Variants in SOS2 observed in about 807,000 individuals in gnomAD.
The protein encoded by SOS2 is son of sevenless homolog 2.
In SOS2, 65 loss-of-function variants were observed where a neutral mutation model predicts 148.2. The ratio of observed to expected loss-of-function variants is 0.44; its 90% CI spans 0.36 to 0.54. The LOEUF is 0.54. Ranked by LOEUF, SOS2 falls within the 20% of genes least tolerant of loss-of-function variation. The pLI is 0.00. For synonymous variants in SOS2, 539 were observed against 537.1 expected (o/e 1.00, Z -0.05); for missense variants, 1,341 against 1,590.2 (o/e 0.84, Z 2.67).
intron 8 of SOS2, among the ~76,000 whole-genome samples, chr14:50,173,061 C>T (rs528198445): frequency 1.1e-4 from 16 of 152,044 alleles, no homozygotes; most frequent in Admixed American, 2.0e-4. Flanking sequence ...GCCTTGAACT[C>T]CTGACCTCAT....
Position 50,159,728 on chromosome 14 carries a change from C to T in SOS2, c.1555G>A (p.Glu519Lys). 1 of 1,613,996 alleles carries T rather than the reference C, an allele frequency of 6.2e-7. No individual in the cohort carries two copies. The highest frequency in any genetic ancestry group is 1.6e-4 in the Middle Eastern group (1 of 6,062). Residue 519 changes from glutamate to lysine, a missense_variant, in exon 10 of 23, where the codon GAG (glutamate) becomes AAG (lysine). Glu to Lys is a moderately conservative substitution (Grantham distance 56). This residue lies in a region of SOS2 where 574 missense variants were observed against 711.1 expected (regional missense o/e 0.81). Transcript: ENST00000216373. ...TTAGCAGCAAATATTATGCTGTTCT[C>T]ATCTTTGGATACTAATTCAAATGCA... The part of the protein sequence containing the change: ...KHAFELVSKD[E>K]NSIIFAAKSA...
intron 12 of SOS2, 24 bp downstream of exon 12, chr14:50,156,963 GTATATATATATA>G: frequency 3.9e-6 from 4 of 1,022,898 alleles, no homozygotes; most frequent in Non-Finnish European, 5.8e-6. Flanking sequence ...ATATATATGT[GTATATATATATA>G]TATAAAAAAT....
At chr14:50,170,227 C>T (rs1212412654) in intron 8 of SOS2, among the ~76,000 whole-genome samples, 2 of 151,924 alleles carry the variant, frequency 1.3e-5, no homozygotes, top group Non-Finnish European at 2.9e-5. Flanking sequence ...GGCACCTTAC[C>T]CCACTTTCTA....
At chr14:50,182,405 G>A in intron 6 of SOS2, 58 bp downstream of exon 6, 1 of 1,503,132 alleles carries the variant, frequency 6.7e-7, no homozygotes, top group Non-Finnish European at 9.2e-7. Context: ...TCATCTCTAA[G>A]TTTCTTACTA....
intron 18 of SOS2, among the ~76,000 whole-genome samples, chr14:50,138,174 G>C (rs1884147085): frequency 6.9e-6 from 1 of 144,006 alleles, no homozygotes; most frequent in Non-Finnish European, 1.5e-5. Context: ...TTATTATTTT[G>C]AGACAGAAGT....
At chr14:50,187,153 G>GCA (rs1485302708) in intron 5 of SOS2, among the ~76,000 whole-genome samples, 2 of 151,730 alleles carry the variant, frequency 1.3e-5, no homozygotes, top group Non-Finnish European at 2.9e-5. Context: ...TGGGATTACA[G>GCA]GCATGTGCCA....
At chr14:50,207,628 C>T in intron 1 of SOS2, among the ~76,000 whole-genome samples, 1 of 150,268 alleles carries the variant, frequency 6.7e-6, no homozygotes, top group East Asian at 2.0e-4. Context: ...TATACAATCA[C>T]AGCCAGGCAT....
chr14:50,148,640 T>C (rs2036783522), intron 14 of SOS2, among the ~76,000 whole-genome samples: 1 of 152,168 alleles, frequency 6.6e-6, no homozygotes, highest in Non-Finnish European at 1.5e-5. Context: ...TAAACAAAGC[T>C]ACCTGGATTC....
At chr14:50,128,862 C>T (rs1883771910) in intron 21 of SOS2, among the ~76,000 whole-genome samples, 1 of 152,136 alleles carries the variant, frequency 6.6e-6, no homozygotes, top group Non-Finnish European at 1.5e-5. Context: ...TCAAGTGATA[C>T]TCCTGCCTCA....
chr14:50,136,523 T>C (rs1884085791), intron 18 of SOS2, among the ~76,000 whole-genome samples: 1 of 152,066 alleles, frequency 6.6e-6, no homozygotes, highest in Non-Finnish European at 1.5e-5. Context: ...GCGGGTTCAA[T>C]GGTGAGAGGG....
chr14:50,202,097 G>T (rs1474636602), intron 2 of SOS2, among the ~76,000 whole-genome samples: 1 of 152,016 alleles, frequency 6.6e-6, no homozygotes, highest in East Asian at 1.9e-4. Flanking sequence ...CGAGTAGCTG[G>T]GACTACAAGC....
chr14:50,189,061 T>TCA (rs10599812), intron 4 of SOS2, among the ~76,000 whole-genome samples: 31,044 of 128,162 alleles, frequency 0.24, 3,958 homozygotes, highest in South Asian at 0.3. Flanking sequence ...CGAGACTCCA[T>TCA]CACACACACA....
intron 1 of SOS2, chr14:50,230,870 T>C: frequency 2.9e-6 from 3 of 1,025,030 alleles, no homozygotes; most frequent in Non-Finnish European, 3.5e-6. Flanking sequence ...TTAGAAACTG[T>C]CTAAATACCA....
At chr14:50,126,599 T>A (rs562920401) in intron 21 of SOS2, among the ~76,000 whole-genome samples, 1 of 151,362 alleles carries the variant, frequency 6.6e-6, no homozygotes, top group Non-Finnish European at 1.5e-5. Flanking sequence ...CAATCAGAGG[T>A]AACTGAAAAG....
chr14:50,197,142 G>A lies in SOS2; in HGVS notation c.510+2549C>T, dbSNP rs79309503. 8.0e-3 allele frequency among the ~76,000 whole-genome samples: 1,219 copies of A among 151,980 alleles called. 9 individuals are homozygous for A. The highest frequency in any genetic ancestry group is 0.013 in the Non-Finnish European group (850 of 67,946). On this transcript the variant is annotated intron_variant, in intron 4 of 22. Transcript: ENST00000216373. ...TGCTGGGATTACAGGCATGAGCCAC[G>A]GTGCCTGGCCTACAACATCTAAATA...
rs1359205719 is a variant in SOS2 at position 50,199,676 on chromosome 14, C to A, written c.510+15G>T. On this transcript the variant is annotated intron_variant, in intron 4 of 22. Transcript: ENST00000216373. ...TTGCTATTCAAGTTAAATTTAAATACCTTGTAACACTTACCTTATCCGCAC... is the reference window on the plus strand; with the variant it reads ...TTGCTATTCAAGTTAAATTTAAATAACTTGTAACACTTACCTTATCCGCAC... The A allele has an allele frequency of 2.0e-6, 3 of 1,519,500 alleles. No individual in the cohort carries two copies. The highest frequency in any genetic ancestry group is 4.0e-5 in the Admixed American group (2 of 49,482). 94.1% of individuals were successfully genotyped at this position (1,519,500 alleles called of 1,614,324 possible).
intron 1 of SOS2, among the ~76,000 whole-genome samples, chr14:50,207,555 A>G (rs1378556858): frequency 1.4e-5 from 2 of 144,530 alleles, no homozygotes; most frequent in Non-Finnish European, 3.1e-5. Context: ...ATGAATCCAG[A>G]AAAAAAAAAA....
intron 1 of SOS2, among the ~76,000 whole-genome samples, chr14:50,222,528 C>G (rs895058586): frequency 6.6e-5 from 10 of 152,108 alleles, no homozygotes; most frequent in African/African-American, 2.4e-4. Context: ...TTTAGATAGG[C>G]TGTAAGAGAA....
chr14:50,189,344 A>AAAAAAAAAAAAAAAAAAAAAAAAAAAAAC (rs1886044003), intron 4 of SOS2, among the ~76,000 whole-genome samples: 2 of 147,312 alleles, frequency 1.4e-5, no homozygotes, highest in Non-Finnish European at 3.0e-5. Context: ...AAAAAAAAAA[A>AAAAAAAAAAAAAAAAAAAAAAAAAAAAAC]AAAAGCAAGC....
Sources: allele counts gnomAD v4.1 joint callset (sites outside exome capture counted in the v4.1 genomes callset), GRCh38; gene constraint gnomAD v4.1.1; regional missense constraint gnomAD v4.1.1; transcripts MANE v1.5; gene names NCBI Gene and HGNC (gene_info 2026-07-23, HGNC 2026-07-21).